The following FAM193B variants were observed in gnomAD, a reference collection of about 807,000 sequenced individuals.
FAM193B encodes the protein family with sequence similarity 193 member B.
A neutral mutation model predicts 70.7 loss-of-function variants in FAM193B; 27 were observed. The observed-to-expected ratio is 0.38, with a 90% CI of 0.28 to 0.53. The LOEUF is 0.53. Among genes scored for constraint, FAM193B ranks in the 20% least tolerant of loss-of-function variants. The pLI is 0.81. For synonymous variants in FAM193B, 448 were observed against 436.0 expected (o/e 1.03, Z -0.34); for missense variants, 1,022 against 1,072.5 (o/e 0.95, Z 0.66).
intron 5 of FAM193B, among the ~76,000 whole-genome samples, chr5:177,527,937 T>C (rs1762867689): frequency 6.6e-6 from 1 of 152,030 alleles, no homozygotes; most frequent in African/African-American, 2.4e-5. Context: ...CACAAGGAGG[T>C]GTCCAGTAGC....
chr5:177,552,882 G>T (rs1011159984), intron 1 of FAM193B, among the ~76,000 whole-genome samples: 1 of 152,186 alleles, frequency 6.6e-6, no homozygotes, highest in Non-Finnish European at 1.5e-5. Flanking sequence ...CACGGGTTCT[G>T]GACCGATTCA....
Position 177,532,692 on chromosome 5 carries a change from C to T in FAM193B, c.1077-51G>A, listed in dbSNP as rs991208415. ...GGTGAGGCAGGGTGATGCAGAAACC[C>T]AGGAAGCATCCCAACCACCACCTGC... On this transcript the variant is annotated intron_variant, in intron 4 of 8. Coordinates refer to ENST00000514747, the MANE Select transcript of FAM193B (RefSeq NM_001190946.3). The surrounding 1 kb of genome is among the most constrained non-coding windows in gnomAD (Gnocchi z 4.9). 12 of 1,437,648 alleles carry T rather than the reference C, an allele frequency of 8.3e-6. No individual in the cohort carries two copies. Among genetic ancestry groups the T allele is most frequent in the Non-Finnish European group, 1.1e-5 (12 of 1,101,800 alleles). 89.1% of individuals were successfully genotyped at this position (1,437,648 alleles called of 1,614,324 possible).
intron 1 of FAM193B, among the ~76,000 whole-genome samples, chr5:177,547,771 G>A (rs1253082588): frequency 4.6e-5 from 7 of 151,994 alleles, no homozygotes; most frequent in African/African-American, 1.7e-4. Context: ...AGATCTACTC[G>A]TAGCTACCAC....
Position 177,532,458 on chromosome 5 carries a change from G to T in FAM193B, c.1260C>A (p.Phe420Leu). ...GCTCACTCACCGCATTGTGGCCGAAGAACTCACAGTAGCAGCAGTCACAGA... is the reference window on the plus strand; with the variant it reads ...GCTCACTCACCGCATTGTGGCCGAATAACTCACAGTAGCAGCAGTCACAGA... ...GKFCDCCYCEFFGHNAEKEKA... is the reference protein window; with the variant it reads ...GKFCDCCYCELFGHNAEKEKA... Residue 420 changes from phenylalanine to leucine, a missense_variant, in exon 5 of 9, where the codon TTC becomes TTA. By Grantham distance (22) the Phe-to-Leu change is conservative. Transcript: ENST00000514747. This position sits in a 1 kb window ranked among gnomAD's most constrained non-coding sequence, Gnocchi z 4.9. The T allele has an allele frequency of 6.2e-7, 1 of 1,611,260 alleles. No homozygotes were observed. The highest frequency in any genetic ancestry group is 8.5e-7 in the Non-Finnish European group (1 of 1,178,950).
chr5:177,537,746 C>T, intron 3 of FAM193B, 127 bp downstream of exon 3: 1 of 1,361,704 alleles, frequency 7.3e-7, no homozygotes, highest in Non-Finnish European at 9.7e-7. Flanking sequence ...CCCCTGCTTC[C>T]ACCAGAACAG....
chr5:177,549,743 G>A (rs990631834), intron 1 of FAM193B, among the ~76,000 whole-genome samples: 4 of 152,244 alleles, frequency 2.6e-5, no homozygotes, highest in Non-Finnish European at 4.4e-5. Context: ...GTTAGTGTCT[G>A]CACAATAAAT....
chr5:177,531,192 C>T, intron 5 of FAM193B: 1 of 1,178,796 alleles, frequency 8.5e-7, no homozygotes. Context: ...CTTTGGCAGC[C>T]AGCATCATTC....
In FAM193B at chr5:177,550,496, C is replaced by T. The variant is rs114020888; in HGVS notation, c.210+3753G>A. Among the ~76,000 whole-genome samples, 410 of 152,322 alleles carry T rather than the reference C, an allele frequency of 2.7e-3. 2 individuals carry two copies. The highest frequency in any genetic ancestry group is 9.5e-3 in the African/African-American group (395 of 41,558). On this transcript the variant is annotated intron_variant, in intron 1 of 8. Transcript: ENST00000514747. ...CATCTGCTCCAATTTCTTGAGGGAA[C>T]AGTGGAAGAATCGGATCTCTAGAGT...
intron 7 of FAM193B, among the ~76,000 whole-genome samples, chr5:177,522,686 A>G (rs1761944971): frequency 6.6e-6 from 1 of 152,004 alleles, no homozygotes; most frequent in Admixed American, 6.6e-5. Flanking sequence ...AATACCTAAT[A>G]CAATGTAAAT....
At chr5:177,533,429 C>T (rs1469232432) in intron 4 of FAM193B, among the ~76,000 whole-genome samples, 1 of 151,934 alleles carries the variant, frequency 6.6e-6, no homozygotes, top group Non-Finnish European at 1.5e-5. Context: ...CTCAGCCTCC[C>T]GAGTAGCTGG....
rs1382557645 is a variant in FAM193B at position 177,538,320 on chromosome 5, G to A, written c.454-213C>T. Among the ~76,000 whole-genome samples the A allele has an allele frequency of 2.0e-5, 3 of 152,216 alleles. No individual in the cohort carries two copies. The highest frequency in any genetic ancestry group is 4.4e-5 in the Non-Finnish European group (3 of 68,034). ...TGGTCCCACTTACATGCAATGTGTG[G>A]AGACTGGGGAGAGAGACTCTGGTAG... On this transcript the variant is annotated intron_variant, in intron 2 of 8. Transcript: ENST00000514747. This position sits in a 1 kb window ranked among gnomAD's most constrained non-coding sequence, Gnocchi z 4.1.
rs147673080 is a variant in FAM193B, at chr5:177,552,331, T to C, written c.210+1918A>G. Among the ~76,000 whole-genome samples the C allele has an allele frequency of 6.4e-3, 979 of 152,188 alleles. 13 individuals carry two copies. Among genetic ancestry groups the C allele is most frequent in the African/African-American group, 0.023 (940 of 41,518 alleles). On this transcript the variant is annotated intron_variant, in intron 1 of 8. Transcript: ENST00000514747. ...GAGAAATACAGGTGAGGTGGGAAGA[T>C]TAGAAGTAAGGTATGTAAAGTGCCT...
intron 5 of FAM193B, chr5:177,531,982 C>G: frequency 2.3e-6 from 3 of 1,289,352 alleles, no homozygotes; most frequent in Admixed American, 2.3e-5. Context: ...GCTTCCTCCC[C>G]CTGGCCAGAG....
At chr5:177,547,563 C>T (rs1469773940) in intron 1 of FAM193B, among the ~76,000 whole-genome samples, 1 of 152,088 alleles carries the variant, frequency 6.6e-6, no homozygotes, top group African/African-American at 2.4e-5. Flanking sequence ...GGATTACAGG[C>T]GTGAGCCACC....
rs536461643 is a variant in FAM193B at position 177,532,575 on chromosome 5, G to A, written c.1143C>T (p.Cys381=). ...SGLACQLPQP[C]EADEGLGEEE... ...CCTCACCCAGCCCCTCATCTGCCTC[G>A]CAGGGCTGGGGCAGCTGGCAAGCCA... is the stretch of plus-strand genomic sequence containing the variant. Residue 381 remains cysteine (C), a synonymous_variant, in exon 5 of 9, where the codon TGC becomes TGT. Transcript: ENST00000514747. This position sits in a 1 kb window ranked among gnomAD's most constrained non-coding sequence, Gnocchi z 4.9. The A allele has an allele frequency of 1.2e-4, 195 of 1,600,852 alleles. 1 individual carries two copies. In the South Asian group the frequency reaches 1.9e-3, roughly 16 times the overall value.
At chr5:177,522,495 T>C (rs1435269370) in intron 7 of FAM193B, among the ~76,000 whole-genome samples, 1 of 152,170 alleles carries the variant, frequency 6.6e-6, no homozygotes, top group Admixed American at 6.5e-5. Flanking sequence ...TATACTTTTT[T>C]TTAAAATTAC....
At chr5:177,521,401 TAGGAGGC>T (rs1761716614) in intron 8 of FAM193B, among the ~76,000 whole-genome samples, 1 of 152,206 alleles carries the variant, frequency 6.6e-6, no homozygotes, top group African/African-American at 2.4e-5. Flanking sequence ...TCTCTTCCTC[TAGGAGGC>T]ACTGTGGCTA....
At chr5:177,545,028 ATGAAAAGAAGACCAT>A (rs375147985) in intron 1 of FAM193B, among the ~76,000 whole-genome samples, 111 of 152,350 alleles carry the variant, frequency 7.3e-4, no homozygotes, top group African/African-American at 2.6e-3. Flanking sequence ...ATTTGCAAAA[ATGAAAAGAAGACCAT>A]TCTTCTAATT....
At chr5:177,552,018 CT>C in intron 1 of FAM193B, 1 of 985,262 alleles carries the variant, frequency 1.0e-6, no homozygotes, top group Non-Finnish European at 1.2e-6. Flanking sequence ...AAAAAAATGC[CT>C]TGTTGAAAAT....
Sources: gnomAD v4.1 joint callset for allele counts (sites outside exome capture counted in the v4.1 genomes callset) on GRCh38, gnomAD v4.1.1 for gene constraint, Gnocchi (gnomAD v3.1) non-coding constraint, MANE v1.5 for transcripts, NCBI Gene and HGNC (gene_info 2026-07-23, HGNC 2026-07-21) for gene names.